The following OPRM1 variants were observed in gnomAD, a reference collection of about 807,000 sequenced individuals.
OPRM1 encodes the protein opioid receptor mu 1.
In OPRM1, 27 loss-of-function variants were observed where a neutral mutation model predicts 31.8. That is an observed-to-expected ratio of 0.85 (90% CI 0.63 to 1.17). The LOEUF is 1.17. Among genes scored for constraint, OPRM1 ranks in the 50% most tolerant of loss-of-function variants. The pLI is 0.00. For synonymous variants in OPRM1, 196 were observed against 189.9 expected, an observed-to-expected ratio of 1.03 and a Z score of -0.26; for missense variants, 536 against 511.1, an observed-to-expected ratio of 1.05 and a Z score of -0.47.
chr6:154,202,576 T>G (rs1562538794), intron 3 of OPRM1, among the ~76,000 whole-genome samples: 1 of 152,222 alleles, frequency 6.6e-6, no homozygotes, highest in African/African-American at 2.4e-5. Context: ...GCTTTTCCTC[T>G]TACTCCTGCT....
chr6:154,104,845 T>A (rs1795357326), intron 3 of OPRM1, among the ~76,000 whole-genome samples: 1 of 152,228 alleles, frequency 6.6e-6, no homozygotes, highest in South Asian at 2.1e-4. Flanking sequence ...AGCCCAGCCA[T>A]GGGTTTGTAC....
At chr6:154,241,287 A>AT (rs1300838106) in intron 3 of OPRM1, among the ~76,000 whole-genome samples, 25 of 151,312 alleles carry the variant, frequency 1.7e-4, no homozygotes, top group Admixed American at 7.3e-4. Context: ...TGGATGATTC[A>AT]TTTTTTCTAG....
chr6:154,101,298 TA>T (rs1794797763), intron 3 of OPRM1, among the ~76,000 whole-genome samples: 1 of 152,274 alleles, frequency 6.6e-6, no homozygotes, highest in African/African-American at 2.4e-5. Context: ...AAGGTGTTCT[TA>T]TATTCAAAAT....
intron 1 of OPRM1, among the ~76,000 whole-genome samples, chr6:154,048,664 A>C (rs1781622917): frequency 6.6e-6 from 1 of 152,240 alleles, no homozygotes; most frequent in South Asian, 2.1e-4. Context: ...AATCTAATTT[A>C]AATAATTTTC....
chr6:154,235,870 C>T lies in OPRM1; in HGVS notation c.1165-10823C>T, dbSNP rs375750473. Among the ~76,000 whole-genome samples, 4 of 152,044 alleles carry T rather than the reference C, an allele frequency of 2.6e-5. No individual in the cohort carries two copies. The East Asian group carries it at 5.8e-4, about 22-fold the overall frequency. ...TGGTACCTCACAGCCATTAGGATGG[C>T]GACTGTAAATAATTAATTAATTAAG... On this transcript the variant is annotated intron_variant, in intron 3 of 3. Transcript: ENST00000337049.
Position 154,130,600 on chromosome 6 carries a change from T to C in OPRM1, c.*11879T>C, listed in dbSNP as rs1026152318. Among the ~76,000 whole-genome samples the C allele has an allele frequency of 6.6e-6, 1 of 152,174 alleles. No homozygotes were observed. Among genetic ancestry groups the C allele is most frequent in the African/African-American group, 2.4e-5 (1 of 41,432 alleles). ...ATATTTGCCTATAAATCCCCATCAA[T>C]TTAATAGGAATTAAGTTAGAAATAC... is the stretch of plus-strand genomic sequence containing the variant. On this transcript the variant is annotated 3_prime_UTR_variant, in exon 4 of 4. Transcript: ENST00000330432.
intron 1 of OPRM1, among the ~76,000 whole-genome samples, chr6:154,011,299 C>T (rs184225007): frequency 5.5e-4 from 83 of 152,214 alleles, no homozygotes; most frequent in Non-Finnish European, 9.0e-4. Context: ...GAAATTATTT[C>T]GGAGTTCCTA....
chr6:154,228,620 A>C (rs1383734925), intron 3 of OPRM1, among the ~76,000 whole-genome samples: 2 of 152,214 alleles, frequency 1.3e-5, no homozygotes, highest in Non-Finnish European at 2.9e-5. Flanking sequence ...CATTAAATAC[A>C]TATTTTTATG....
At chr6:154,039,047 G>A, upstream of OPRM1, 1 of 1,272,372 alleles carries the variant, frequency 7.9e-7, no homozygotes, top group Non-Finnish European at 1.1e-6. Flanking sequence ...AGATTTTAAG[G>A]AGAAAAAGGC....
At chr6:154,078,918 A>G (rs1255575331) in intron 1 of OPRM1, among the ~76,000 whole-genome samples, 2 of 152,232 alleles carry the variant, frequency 1.3e-5, no homozygotes, top group Non-Finnish European at 2.9e-5. Flanking sequence ...CTAAAAGAAT[A>G]TGGCTTATGC....
intron 3 of OPRM1, among the ~76,000 whole-genome samples, chr6:154,143,444 A>G (rs1480396926): frequency 6.6e-6 from 1 of 152,226 alleles, no homozygotes; most frequent in Non-Finnish European, 1.5e-5. Flanking sequence ...TAATTTGACA[A>G]TGAATTTATT....
At chr6:154,134,825 C>T (rs945936577), downstream of OPRM1, among the ~76,000 whole-genome samples, 2 of 151,914 alleles carry the variant, frequency 1.3e-5, no homozygotes, top group Non-Finnish European at 2.9e-5. Context: ...TAAAAAACCA[C>T]TATTTGAGTC....
At chr6:154,188,060 A>G (rs1262421174) in intron 3 of OPRM1, among the ~76,000 whole-genome samples, 2 of 152,244 alleles carry the variant, frequency 1.3e-5, no homozygotes, top group African/African-American at 4.8e-5. Flanking sequence ...AGTGTTTGGA[A>G]AGGAAAAAAG....
At chr6:154,140,895 T>A (rs1489602929) in intron 3 of OPRM1, among the ~76,000 whole-genome samples, 1 of 152,212 alleles carries the variant, frequency 6.6e-6, no homozygotes, top group Non-Finnish European at 1.5e-5. Context: ...GGTTGTCACA[T>A]GTCCATTTGA....
intron 3 of OPRM1, among the ~76,000 whole-genome samples, chr6:154,226,153 AC>A (rs763441076): frequency 1.6e-4 from 24 of 150,998 alleles, no homozygotes; most frequent in Non-Finnish European, 2.8e-4. Flanking sequence ...TTGTTCCAAA[AC>A]TCTCTATGGA....
chr6:154,033,962 C>T (rs140141153), intron 1 of OPRM1, among the ~76,000 whole-genome samples: 1 of 152,324 alleles, frequency 6.6e-6, no homozygotes, highest in East Asian at 1.9e-4. Context: ...GACCCCATGG[C>T]ATACTAAGAG....
At position 154,125,293 on chromosome 6, in the gene OPRM1, T is replaced by G. The variant is rs183189664; in HGVS notation, c.*6572T>G. On this transcript the variant is annotated 3_prime_UTR_variant, in exon 4 of 4. Coordinates refer to ENST00000330432, the MANE Select transcript of OPRM1 (RefSeq NM_000914.5). Reference sequence around the variant, plus strand: ...CCTGAATTTGCCTCTATCATGCATCTCAATGATTTGTTGTCATCCAAAGCT... The same window carrying G: ...CCTGAATTTGCCTCTATCATGCATCGCAATGATTTGTTGTCATCCAAAGCT... 5.3e-5 allele frequency among the ~76,000 whole-genome samples: 8 copies of G among 152,344 alleles called. No homozygotes were observed. Among genetic ancestry groups the G allele is most frequent in the Admixed American group, 5.2e-4 (8 of 15,304 alleles).
In OPRM1 at chr6:154,018,681, G is replaced by A. The variant is rs546608380; in HGVS notation, c.-1+7663G>A. On this transcript the variant is annotated intron_variant, in intron 1 of 5. Coordinates refer to the OPRM1 transcript ENST00000434900. ...ATTCTCCTATCCAAACTACAGGTTC[G>A]GGAATGAAGACTCAACCCCTGAGAA... Among the ~76,000 whole-genome samples the A allele has an allele frequency of 5.9e-5, 9 of 152,078 alleles. No homozygotes were observed. The South Asian group carries it at 1.9e-3, about 32-fold the overall frequency.
intron 3 of OPRM1, among the ~76,000 whole-genome samples, chr6:154,150,483 C>T (rs901504357): frequency 1.3e-4 from 20 of 152,172 alleles, no homozygotes; most frequent in African/African-American, 4.8e-4. Context: ...ATCAGGCACC[C>T]AAGATAGGGA....
Sources: gnomAD v4.1 joint callset for allele counts (sites outside exome capture counted in the v4.1 genomes callset) on GRCh38, gnomAD v4.1.1 for gene constraint, MANE v1.5 for transcripts, NCBI Gene and HGNC (gene_info 2026-07-23, HGNC 2026-07-21) for gene names.